The following SLC6A20 variants were observed in gnomAD, a reference collection of about 807,000 sequenced individuals.
The protein encoded by SLC6A20 is solute carrier family 6 member 20.
A neutral mutation model predicts 64.3 loss-of-function variants in SLC6A20; 73 were observed. The ratio of observed to expected loss-of-function variants is 1.14; its 90% CI spans 0.94 to 1.38. The LOEUF is 1.38. Ranked by LOEUF, SLC6A20 falls within the 40% of genes most tolerant of loss-of-function variation. SLC6A20 has a pLI of 0.00. For synonymous variants in SLC6A20, 347 were observed against 329.6 expected, an observed-to-expected ratio of 1.05 and a Z score of -0.57; for missense variants, 725 against 772.8, an observed-to-expected ratio of 0.94 and a Z score of 0.73.
intron 3 of SLC6A20, among the ~76,000 whole-genome samples, chr3:45,777,495 T>C (rs1175317928): frequency 3.3e-5 from 5 of 152,250 alleles, no homozygotes; most frequent in African/African-American, 1.2e-4. Flanking sequence ...TGTCCTCCGA[T>C]GCAAGCTGAC....
At chr3:45,759,169 G>A (rs1196303731) in intron 10 of SLC6A20, 42 bp from the exon 11 acceptor site, 2 of 1,568,840 alleles carry the variant, frequency 1.3e-6, no homozygotes, top group Non-Finnish European at 1.7e-6. Context: ...CACCTGCTGA[G>A]CACTGCCCCT....
chr3:45,762,982 G>A lies in SLC6A20; in HGVS notation c.1394C>T (p.Ala465Val). The change falls in exon 9 of 11, where the codon GCC becomes GTC. Residue 465 changes from alanine to valine, a missense_variant. Ala to Val is a moderately conservative substitution (Grantham distance 64, BLOSUM62 0). Coordinates refer to ENST00000358525, the MANE Select transcript of SLC6A20 (RefSeq NM_020208.4). ...YWFDIFNDYA[A>V]TLSLLLIVLV... is the part of the protein sequence containing the mutation. Reference sequence around the variant, plus strand: ...CACGATGAGCAGCAGGGACAGTGTGGCCGCGTAGTCGTTGAATATGTCAAA... The same window carrying A: ...CACGATGAGCAGCAGGGACAGTGTGACCGCGTAGTCGTTGAATATGTCAAA... The A allele has an allele frequency of 6.2e-7, 1 of 1,614,166 alleles. No homozygotes were observed. Among genetic ancestry groups the A allele is most frequent in the Non-Finnish European group, 8.5e-7 (1 of 1,180,038 alleles).
intron 1 of SLC6A20, among the ~76,000 whole-genome samples, chr3:45,787,479 T>C (rs1700189057): frequency 6.6e-6 from 1 of 152,120 alleles, no homozygotes; most frequent in Admixed American, 6.5e-5. Flanking sequence ...GGTGTCTGCC[T>C]CTCTACTAGC....
In SLC6A20 at chr3:45,796,512, G is replaced by T; in HGVS notation, c.-93C>A. 1 of 1,314,226 alleles carries T rather than the reference G, an allele frequency of 7.6e-7. No individual in the cohort carries two copies. The highest frequency in any genetic ancestry group is 9.9e-7 in the Non-Finnish European group (1 of 1,013,974). The allele number at this position is 1,314,226 out of a possible 1,614,324, so 81.4% of individuals were successfully genotyped here. A position where few individuals can be genotyped will look rare whatever the true frequency, so the allele number is the denominator to read the frequency against. ...CAGGCGCGCCGTCCCACCCCGGCTCGGCTTGGGGGTGGCCCCGCGCCTCCG... is the reference window on the plus strand; with the variant it reads ...CAGGCGCGCCGTCCCACCCCGGCTCTGCTTGGGGGTGGCCCCGCGCCTCCG... On this transcript the variant is annotated 5_prime_UTR_variant, in exon 1 of 11. Coordinates refer to ENST00000358525, the MANE Select transcript of SLC6A20 (RefSeq NM_020208.4).
At chr3:45,769,920 G>T (rs748251832) in intron 7 of SLC6A20, among the ~76,000 whole-genome samples, 1 of 152,108 alleles carries the variant, frequency 6.6e-6, no homozygotes, top group African/African-American at 2.4e-5. Flanking sequence ...GTATATATGG[G>T]TGTTTGTTAT....
intron 4 of SLC6A20, among the ~76,000 whole-genome samples, chr3:45,774,685 T>G (rs1559566633): frequency 2.0e-5 from 3 of 151,644 alleles, no homozygotes; most frequent in African/African-American, 4.8e-5. Flanking sequence ...GGGGGTGGGG[T>G]GTGGCTGGAG....
chr3:45,793,363 A>G (rs1700289417), intron 1 of SLC6A20, among the ~76,000 whole-genome samples: 1 of 152,234 alleles, frequency 6.6e-6, no homozygotes, highest in Admixed American at 6.5e-5. Context: ...TTTACACCTT[A>G]GTGCACACAC....
At chr3:45,785,646 T>TCTCTCTCTCTCTCTCTCTCTCTCTC (rs58230332) in intron 1 of SLC6A20, among the ~76,000 whole-genome samples, 6 of 144,300 alleles carry the variant, frequency 4.2e-5, no homozygotes, top group African/African-American at 1.3e-4. Flanking sequence ...TCTCTCTCTC[T>TCTCTCTCTCTCTCTCTCTCTCTCTC]TCCCCCTATT....
In SLC6A20 at chr3:45,758,818, C is replaced by A; in HGVS notation, c.*160G>T. 5.9e-6 allele frequency: 8 copies of A among 1,366,068 alleles called. No individual in the cohort carries two copies. The South Asian group carries it at 1.7e-4, about 29-fold the overall frequency. The allele number at this position is 1,366,068 out of a possible 1,614,324, so 84.6% of individuals were successfully genotyped here. On this transcript the variant is annotated 3_prime_UTR_variant, in exon 11 of 11. Coordinates refer to ENST00000358525, the MANE Select transcript of SLC6A20 (RefSeq NM_020208.4). ...CCACCACGGGAGGGTGTGCGTTCTC[C>A]CAAGGGAGTTTTCTTCCTGCACACC...
At chr3:45,775,411 G>A (rs1473081601) in intron 4 of SLC6A20, among the ~76,000 whole-genome samples, 3 of 152,110 alleles carry the variant, frequency 2.0e-5, no homozygotes, top group African/African-American at 7.2e-5. Flanking sequence ...AGTGGCTAGG[G>A]TGTCTCGAGG....
intron 1 of SLC6A20, among the ~76,000 whole-genome samples, chr3:45,795,733 A>G (rs995308449): frequency 6.6e-6 from 1 of 152,172 alleles, no homozygotes; most frequent in Non-Finnish European, 1.5e-5. Context: ...GGAAACATTT[A>G]TTTAAGAAAA....
At chr3:45,761,225 C>T (rs1355553945) in intron 9 of SLC6A20, among the ~76,000 whole-genome samples, 10 of 149,088 alleles carry the variant, frequency 6.7e-5, no homozygotes, top group Admixed American at 6.0e-4. Context: ...CCCCCATAAC[C>T]CCCCCCCCTT....
intron 1 of SLC6A20, among the ~76,000 whole-genome samples, chr3:45,783,555 C>A (rs2125653513): frequency 6.6e-6 from 1 of 152,360 alleles, no homozygotes; most frequent in East Asian, 1.9e-4. Context: ...AATTGTTAGA[C>A]ACTCAGGCTG....
Position 45,782,182 on chromosome 3 carries a change from C to A in SLC6A20, c.163G>T (p.Gly55Ter). 1 of 1,613,880 alleles carries A rather than the reference C, an allele frequency of 6.2e-7. No individual in the cohort carries two copies. The highest frequency in any genetic ancestry group is 8.5e-7 in the Non-Finnish European group (1 of 1,179,872). The change falls in exon 2 of 11, where the codon GGA becomes TGA. Residue 55 changes from glycine (G) to a stop codon, truncating the protein, a stop_gained. Transcript: ENST00000358525. LOFTEE classifies it high-confidence loss of function. ...AGTTCCAGGTACAAGAGCGGCATTCCCTCCACGATAAGCATGATGATGTAG... is the reference window on the plus strand; with the variant it reads ...AGTTCCAGGTACAAGAGCGGCATTCACTCCACGATAAGCATGATGATGTAG... ...VPYIIMLIVE[G>*]MPLLYLELAV...
chr3:45,760,355 G>A (rs1340266270), intron 9 of SLC6A20, among the ~76,000 whole-genome samples: 2 of 152,210 alleles, frequency 1.3e-5, no homozygotes, highest in African/African-American at 4.8e-5. Context: ...CAGGCAGCAG[G>A]GGATGGACAT....
chr3:45,791,826 G>A (rs1446199049), intron 1 of SLC6A20: 1 of 152,090 alleles, frequency 6.6e-6, no homozygotes, highest in Non-Finnish European at 1.5e-5. Flanking sequence ...GCACCAAAGG[G>A]GAAATTTACC....
chr3:45,796,261 C>T (rs1338000962), intron 1 of SLC6A20, 38 bp downstream of exon 1: 3 of 1,569,342 alleles, frequency 1.9e-6, no homozygotes, highest in African/African-American at 2.7e-5. Flanking sequence ...GGGACGCGCA[C>T]AGAGTTGGGC....
chr3:45,767,493 T>C (rs1029077081), intron 7 of SLC6A20, among the ~76,000 whole-genome samples: 1 of 151,120 alleles, frequency 6.6e-6, no homozygotes, highest in African/African-American at 2.4e-5. Context: ...TATCCAGAAA[T>C]GAATCAATAA....
At position 45,774,615 on chromosome 3, in the gene SLC6A20, T is replaced by C. The variant is rs78962450; in HGVS notation, c.582+1146A>G. ...GCCCTACCAGGCATGATACTGGAGT[T>C]GTCCCATGGGCCCTGGAATACCATG... is the stretch of plus-strand genomic sequence containing the variant. On this transcript the variant is annotated intron_variant, in intron 4 of 10. Coordinates refer to ENST00000358525, the MANE Select transcript of SLC6A20 (RefSeq NM_020208.4). Among the ~76,000 whole-genome samples, 540 of 152,272 alleles carry C rather than the reference T, an allele frequency of 3.5e-3. 17 individuals are homozygous for C. In the East Asian group the frequency reaches 0.094, roughly 26 times the overall value.
Sources: gnomAD v4.1 joint callset for allele counts (sites outside exome capture counted in the v4.1 genomes callset) on GRCh38, gnomAD v4.1.1 for gene constraint, MANE v1.5 for transcripts, NCBI Gene and HGNC (gene_info 2026-07-23, HGNC 2026-07-21) for gene names.